The following KCTD19 variants were observed in gnomAD, a reference collection of about 807,000 sequenced individuals.
The protein encoded by KCTD19 is BTB/POZ domain-containing protein KCTD19.
In KCTD19, 67 loss-of-function variants were observed where a neutral mutation model predicts 103.5. The observed-to-expected ratio is 0.65, with a 90% CI of 0.53 to 0.79. The LOEUF is 0.79. KCTD19 is among the 30% of genes least tolerant of loss of function. The pLI, the probability that KCTD19 is intolerant of heterozygous loss-of-function variation, is 0.00. For missense variants in KCTD19, 980 were observed against 1,136.1 expected (o/e 0.86, Z 1.98); for synonymous variants, 439 against 452.2 (o/e 0.97, Z 0.37).
Position 67,320,727 on chromosome 16 carries a change from T to C in KCTD19, c.162A>G (p.Leu54=), listed in dbSNP as rs2037063367. 6.2e-7 allele frequency: 1 copy of C among 1,614,192 alleles called. No individual in the cohort carries two copies. The highest frequency in any genetic ancestry group is 8.5e-7 in the Non-Finnish European group (1 of 1,180,026). ...SALTSSESQR[L]FIDRDGSTFR... ...ATGTGGAACCATCTCTGTCGATAAA[T>C]AGCCTCTGGCTTTCTGAAGAGGTCA... Residue 54 remains leucine (L), a synonymous_variant, in exon 2 of 16, where the codon CTA becomes CTG. Coordinates refer to ENST00000304372, the MANE Select transcript of KCTD19 (RefSeq NM_001100915.3). This position sits in a 1 kb window ranked among gnomAD's most constrained non-coding sequence, Gnocchi z 4.0.
chr16:67,314,958 C>T (rs929602486), intron 2 of KCTD19, among the ~76,000 whole-genome samples: 3 of 151,354 alleles, frequency 2.0e-5, no homozygotes, highest in African/African-American at 7.3e-5. Context: ...CTGGCTCAGG[C>T]GATCCTCCTG....
Position 67,303,450 on chromosome 16 carries a change from A to T in KCTD19, c.452-113T>A. ...GAGGATGCTAGAGAGACCCCCCAGG[A>T]TATGGTCCTTGCCACTTGCCAGACA... On this transcript the variant is annotated intron_variant, in intron 3 of 15. Transcript: ENST00000304372. The surrounding 1 kb of genome is among the most constrained non-coding windows in gnomAD (Gnocchi z 4.3). 1.4e-6 allele frequency: 1 copy of T among 732,906 alleles called. No homozygotes were observed. Among genetic ancestry groups the T allele is most frequent in the South Asian group, 2.0e-5 (1 of 49,394 alleles). 45.4% of individuals were successfully genotyped at this position (732,906 alleles called of 1,614,324 possible).
In KCTD19 at chr16:67,296,254, A is replaced by G; in HGVS notation, c.1153T>C (p.Trp385Arg). The change falls in exon 8 of 16, where the codon TGG (tryptophan) becomes CGG (arginine). Residue 385 changes from tryptophan to arginine, a missense_variant. By Grantham distance (101) the Trp-to-Arg change is moderately radical. Coordinates refer to ENST00000304372, the MANE Select transcript of KCTD19 (RefSeq NM_001100915.3). ...TLAPMDVLNE[W>R]TAEITVYSPQ... is the part of the protein sequence containing the mutation. ...GAATACACAGTGATCTCTGCCGTCC[A>G]CTCATCTATGGGAATCCAGGAGATA... 6.2e-7 allele frequency: 1 copy of G among 1,607,672 alleles called. No individual in the cohort carries two copies. Among genetic ancestry groups the G allele is most frequent in the Non-Finnish European group, 8.5e-7 (1 of 1,174,092 alleles).
intron 1 of KCTD19, among the ~76,000 whole-genome samples, chr16:67,322,320 C>T (rs1009288267): frequency 5.6e-5 from 8 of 143,414 alleles, no homozygotes; most frequent in Admixed American, 7.1e-5. Context: ...TTTTTTGAGA[C>T]GGAGTCTCGC....
At position 67,291,473 on chromosome 16, in the gene KCTD19, AGG is replaced by A. The variant is rs2036693944; in HGVS notation, c.2411-12_2411-11del. ...CTCAGGAAAGTCACTTCTGTGGAGG[AGG>A]GAAAGTGGATGTGGCCACATCTGTC... On this transcript the variant is annotated splice_polypyrimidine_tract_variant and intron_variant, in intron 13 of 15. Transcript: ENST00000304372. 5 of 1,612,454 alleles carry A rather than the reference AGG, an allele frequency of 3.1e-6. No individual in the cohort carries two copies. The highest frequency in any genetic ancestry group is 4.2e-6 in the Non-Finnish European group (5 of 1,179,142).
chr16:67,321,221 A>G (rs1356331079), intron 1 of KCTD19, among the ~76,000 whole-genome samples: 2 of 152,208 alleles, frequency 1.3e-5, no homozygotes, highest in African/African-American at 4.8e-5. Context: ...TGAGCCCAAC[A>G]AGGTTGAAAG....
chr16:67,299,205 G>A (rs2036803570), intron 6 of KCTD19, among the ~76,000 whole-genome samples, 158 bp downstream of exon 6: 1 of 152,262 alleles, frequency 6.6e-6, no homozygotes. Context: ...TAACCTGGTG[G>A]TAGTGTGGCG....
chr16:67,305,533 C>T (rs2036882713), intron 2 of KCTD19: 3 of 445,406 alleles, frequency 6.7e-6, no homozygotes, highest in South Asian at 4.8e-5. Flanking sequence ...TGGAGTGGAG[C>T]ACCCCAACTA....
In KCTD19 at chr16:67,293,309, CT is replaced by C. The variant is rs1020699220; in HGVS notation, c.2218+234del. On this transcript the variant is annotated intron_variant, in intron 12 of 15. Transcript: ENST00000304372. This position sits in a 1 kb window ranked among gnomAD's most constrained non-coding sequence, Gnocchi z 4.0. Reference sequence around the variant, plus strand: ...GCCCTCAGCCTCTTTTGTGCTCCTGCTTCATAGGCACCTCCTTCCCACAGCA... The same window carrying C: ...GCCCTCAGCCTCTTTTGTGCTCCTGCTCATAGGCACCTCCTTCCCACAGCA... Among the ~76,000 whole-genome samples, 1 of 152,188 alleles carries C rather than the reference CT, an allele frequency of 6.6e-6. No individual in the cohort carries two copies. The highest frequency in any genetic ancestry group is 1.5e-5 in the Non-Finnish European group (1 of 68,038).
intron 2 of KCTD19, 105 bp from the exon 3 acceptor site, chr16:67,304,676 T>A (rs955260259): frequency 1.1e-5 from 12 of 1,066,526 alleles, no homozygotes; most frequent in Non-Finnish European, 1.7e-5. Context: ...ACTTTTTTTT[T>A]TTTTTGAGAC....
At chr16:67,307,757 C>T (rs2142513374) in intron 2 of KCTD19, among the ~76,000 whole-genome samples, 1 of 152,318 alleles carries the variant, frequency 6.6e-6, no homozygotes, top group East Asian at 1.9e-4. Flanking sequence ...CCAGACCCAT[C>T]ACCTCAAACA....
chr16:67,318,578 AG>A (rs1178808023), intron 2 of KCTD19, among the ~76,000 whole-genome samples: 3 of 150,096 alleles, frequency 2.0e-5, no homozygotes, highest in South Asian at 2.1e-4. Flanking sequence ...AAAAAAAAAA[AG>A]AAGCTGCTTC....
chr16:67,299,671 G>T, intron 5 of KCTD19, 98 bp from the exon 6 acceptor site: 1 of 936,320 alleles, frequency 1.1e-6, no homozygotes, highest in Non-Finnish European at 1.6e-6. Context: ...CCATTGTACC[G>T]AGGAGGCTCA....
Position 67,299,541 on chromosome 16 carries a change from T to C in KCTD19, c.808A>G (p.Ser270Gly). 2 of 1,613,782 alleles carry C rather than the reference T, an allele frequency of 1.2e-6. No individual in the cohort carries two copies. Among genetic ancestry groups the C allele is most frequent in the Non-Finnish European group, 1.7e-6 (2 of 1,180,002 alleles). ...GCTGTGCGGGCCCCCTTCCCGGGGC[T>C]CAGGGGAGAACAGGTGGTCGGGGAA... ...GCSPTTCSPL[S>G]PGKGARTASL... Residue 270 changes from serine (S) to glycine (G), a missense_variant, in exon 6 of 16, where the codon AGC becomes GGC. Ser to Gly is a moderately conservative substitution (Grantham distance 56). Transcript: ENST00000304372.
chr16:67,299,280 G>A, intron 6 of KCTD19, 83 bp downstream of exon 6: 1 of 1,314,648 alleles, frequency 7.6e-7, no homozygotes, highest in East Asian at 2.3e-5. Flanking sequence ...CCTCTGGCTA[G>A]TGGGAAAGGC....
chr16:67,322,529 A>G (rs2037086723), intron 1 of KCTD19, among the ~76,000 whole-genome samples: 1 of 152,070 alleles, frequency 6.6e-6, no homozygotes. Flanking sequence ...CGATCTCCTG[A>G]CCTCGTGATC....
In KCTD19 at chr16:67,295,305, T is replaced by C. The variant is rs1189469461; in HGVS notation, c.1349A>G (p.Asn450Ser). 3 of 1,614,210 alleles carry C rather than the reference T, an allele frequency of 1.9e-6. No homozygotes were observed. The highest frequency in any genetic ancestry group is 2.5e-6 in the Non-Finnish European group (3 of 1,180,028). Reference sequence around the variant, plus strand: ...AAACAGTTTGCCAAGTCTCAGGAAGTTGAGAATGTGTCGGAACATCTGGCC... The same window carrying C: ...AAACAGTTTGCCAAGTCTCAGGAAGCTGAGAATGTGTCGGAACATCTGGCC... ...GDGQMFRHIL[N>S]FLRLGKLFLP... The change falls in exon 9 of 16, where the codon AAC (asparagine) becomes AGC (serine). Residue 450 changes from asparagine to serine, a missense_variant. By Grantham distance (46) the Asn-to-Ser change is conservative. Transcript: ENST00000304372.
Position 67,289,623 on chromosome 16 carries a change from G to A in KCTD19, c.2727C>T (p.Gly909=), listed in dbSNP as rs547035454. 3.0e-5 allele frequency: 48 copies of A among 1,614,106 alleles called. No individual in the cohort carries two copies. The East Asian group carries it at 1.0e-3, about 34-fold the overall frequency. Reference sequence around the variant, plus strand: ...TGGAGTAAGAGACAGACCTAGACAGGCCCCTCTGGATGAGCAGGTCCATGC... The same window carrying A: ...TGGAGTAAGAGACAGACCTAGACAGACCCCTCTGGATGAGCAGGTCCATGC... The part of the protein sequence containing the change: ...GRCMDLLIQR[G]LSRSVSYSIL... Residue 909 remains glycine, a synonymous_variant, in exon 16 of 16, where the codon GGC becomes GGT. Transcript: ENST00000304372.
At chr16:67,297,371 T>C in intron 7 of KCTD19, 132 bp downstream of exon 7, 1 of 925,148 alleles carries the variant, frequency 1.1e-6, no homozygotes, top group South Asian at 1.7e-5. Flanking sequence ...TTTGTAAAAA[T>C]CCAAAATATT....
Sources: gnomAD v4.1 joint callset for allele counts (sites outside exome capture counted in the v4.1 genomes callset) on GRCh38, gnomAD v4.1.1 for gene constraint, Gnocchi (gnomAD v3.1) non-coding constraint, MANE v1.5 for transcripts, NCBI Gene and HGNC (gene_info 2026-07-23, HGNC 2026-07-21) for gene names.